USH2A: variants seen among roughly 807,000 people sequenced by gnomAD.
USH2A encodes the protein usherin.
In USH2A, 443 loss-of-function variants were observed where a neutral mutation model predicts 538.9. That is an observed-to-expected ratio of 0.82 (90% CI 0.76 to 0.89). USH2A has a LOEUF of 0.89. Ranked by LOEUF, USH2A falls within the 40% of genes least tolerant of loss-of-function variation. The probability of loss-of-function intolerance (pLI) is 0.00; values close to 1 mark genes in which losing one functional copy is unlikely to be tolerated. For synonymous variants in USH2A, 2,413 were observed against 2,273.5 expected, an observed-to-expected ratio of 1.06 and a Z score of -1.75; for missense variants, 6,633 against 6,324.8, an observed-to-expected ratio of 1.05 and a Z score of -1.65.
Position 216,082,651 on chromosome 1 carries a change from T to C in USH2A, c.5298+805A>G, listed in dbSNP as rs1199977256. Among the ~76,000 whole-genome samples, 4 of 152,104 alleles carry C rather than the reference T, an allele frequency of 2.6e-5. No individual in the cohort carries two copies. The East Asian group carries it at 7.7e-4, about 29-fold the overall frequency. ...AACGTATTTAACAGTGGTATCAAACTAATGATTAAAGACAAGGAAAAGCAG... is the reference window on the plus strand; with the variant it reads ...AACGTATTTAACAGTGGTATCAAACCAATGATTAAAGACAAGGAAAAGCAG... On this transcript the variant is annotated intron_variant, in intron 26 of 71. Coordinates refer to ENST00000307340, the MANE Select transcript of USH2A (RefSeq NM_206933.4).
intron 4 of USH2A, among the ~76,000 whole-genome samples, chr1:216,345,313 T>A (rs2038153720): frequency 6.6e-6 from 1 of 152,012 alleles, no homozygotes; most frequent in African/African-American, 2.4e-5. Context: ...AGTTTGATAT[T>A]GGATGCTGAG....
In USH2A at chr1:215,864,343, G is replaced by A. The variant is rs534986729; in HGVS notation, c.8845+2664C>T. The stretch of plus-strand genomic sequence containing the variant: ...TGAGGATTGTATAAATAATTTAAGT[G>A]AGGTATTTTTCAAATACAAAAACTG... On this transcript the variant is annotated intron_variant, in intron 44 of 71. Transcript: ENST00000307340. Among the ~76,000 whole-genome samples, 7 of 152,172 alleles carry A rather than the reference G, an allele frequency of 4.6e-5. No homozygotes were observed. The East Asian group carries it at 1.4e-3, about 29-fold the overall frequency.
At chr1:215,696,567 A>C (rs1658819198) in intron 61 of USH2A, among the ~76,000 whole-genome samples, 1 of 152,104 alleles carries the variant, frequency 6.6e-6, no homozygotes, top group Non-Finnish European at 1.5e-5. Flanking sequence ...ATTAGTCATA[A>C]CCATCTGACT....
rs1215269876 is a variant in USH2A, at chr1:215,845,888, G to A, written c.8991C>T (p.Ile2997=). Reference sequence around the variant, plus strand: ...TGCTGTGGACTCCATTGAAGACAGAGATAAAGATCCAATACTCTGTGTTTG... The same window carrying A: ...TGCTGTGGACTCCATTGAAGACAGAAATAAAGATCCAATACTCTGTGTTTG... ...LKPNTEYWIF[I]SVFNGVHSIN... Residue 2997 remains isoleucine, a synonymous_variant, in exon 45 of 72, where the codon ATC becomes ATT. Transcript: ENST00000307340. 29 of 1,613,794 alleles carry A rather than the reference G, an allele frequency of 1.8e-5. No individual in the cohort carries two copies. The highest frequency in any genetic ancestry group is 2.4e-5 in the Non-Finnish European group (28 of 1,179,938).
intron 31 of USH2A, among the ~76,000 whole-genome samples, chr1:216,047,637 T>C (rs1343451255): frequency 6.6e-6 from 1 of 152,158 alleles, no homozygotes; most frequent in Admixed American, 6.5e-5. Flanking sequence ...ATATCTTCAG[T>C]GCAAGTGGTG....
chr1:216,174,189 G>A lies in USH2A; in HGVS notation c.4627+1063C>T, dbSNP rs1015551403. The A allele has an allele frequency of 5.3e-5, 52 of 984,728 alleles. No homozygotes were observed. The Admixed American group carries it at 5.6e-4, about 11-fold the overall frequency. 61.0% of individuals were successfully genotyped at this position (984,728 alleles called of 1,614,324 possible). On this transcript the variant is annotated intron_variant, in intron 21 of 71. Transcript: ENST00000307340. ...AAAACAATACAAATTTTTATAGCTC[G>A]AATTCCATTTCATTGTCTTCACATA... is the stretch of plus-strand genomic sequence containing the variant.
At chr1:215,657,578 A>G (rs1312858774) in intron 64 of USH2A, among the ~76,000 whole-genome samples, 2 of 152,232 alleles carry the variant, frequency 1.3e-5, no homozygotes, top group Admixed American at 6.5e-5. Flanking sequence ...GCTGGATACA[A>G]TACAGTCACA....
chr1:216,141,067 T>A (rs960110580), intron 21 of USH2A, among the ~76,000 whole-genome samples: 1 of 152,212 alleles, frequency 6.6e-6, no homozygotes. Flanking sequence ...GGGCTCCCAT[T>A]TACTCAAATT....
intron 3 of USH2A, among the ~76,000 whole-genome samples, chr1:216,369,314 A>G (rs2038658372): frequency 6.6e-6 from 1 of 152,164 alleles, no homozygotes; most frequent in African/African-American, 2.4e-5. Flanking sequence ...AACACGTGGA[A>G]TCCCCACACA....
intron 3 of USH2A, among the ~76,000 whole-genome samples, chr1:216,394,872 C>T (rs907372788): frequency 1.3e-5 from 2 of 151,860 alleles, no homozygotes; most frequent in South Asian, 4.2e-4. Context: ...GCGCCCGCCA[C>T]CACGCCCGGC....
chr1:216,235,432 G>A (rs964905321), intron 13 of USH2A, among the ~76,000 whole-genome samples: 1 of 152,108 alleles, frequency 6.6e-6, no homozygotes, highest in East Asian at 1.9e-4. Flanking sequence ...GTCCAAATCA[G>A]CTCGCTAGTT....
intron 58 of USH2A, among the ~76,000 whole-genome samples, chr1:215,747,709 G>A (rs1029598392): frequency 6.6e-6 from 1 of 152,156 alleles, no homozygotes; most frequent in Non-Finnish European, 1.5e-5. Flanking sequence ...TTGACCTTCA[G>A]CAGGAGGATA....
At chr1:215,729,035 C>T (rs533251451) in intron 60 of USH2A, among the ~76,000 whole-genome samples, 17 of 152,218 alleles carry the variant, frequency 1.1e-4, no homozygotes, top group African/African-American at 3.4e-4. Flanking sequence ...AGGCCTTTTG[C>T]GAGTATGCTC....
At chr1:216,149,379 T>C (rs1020259789) in intron 21 of USH2A, among the ~76,000 whole-genome samples, 18 of 152,220 alleles carry the variant, frequency 1.2e-4, no homozygotes, top group African/African-American at 4.3e-4. Context: ...ACCAAAGCAG[T>C]TTCTCAGGCT....
At chr1:215,817,655 T>C (rs1243741803) in intron 47 of USH2A, among the ~76,000 whole-genome samples, 1 of 151,964 alleles carries the variant, frequency 6.6e-6, no homozygotes, top group African/African-American at 2.4e-5. Flanking sequence ...CCTAGGAAAT[T>C]TTAGCTTTCT....
At chr1:216,383,740 C>T (rs1404968750) in intron 3 of USH2A, among the ~76,000 whole-genome samples, 3 of 152,114 alleles carry the variant, frequency 2.0e-5, no homozygotes, top group African/African-American at 4.8e-5. Context: ...TGCAGTGGCA[C>T]GACCATGGCT....
intron 32 of USH2A, among the ~76,000 whole-genome samples, chr1:216,039,398 C>G (rs577259604): frequency 1.3e-4 from 20 of 151,902 alleles, no homozygotes; most frequent in Non-Finnish European, 2.2e-4. Context: ...CAAAGGGAAA[C>G]ATGGTATGAC....
At chr1:215,949,895 A>T (rs956847077) in intron 37 of USH2A, among the ~76,000 whole-genome samples, 4 of 152,186 alleles carry the variant, frequency 2.6e-5, no homozygotes, top group Non-Finnish European at 5.9e-5. Context: ...ATTCTGGGCA[A>T]AGTGTGTGAG....
chr1:216,152,488 C>T (rs1353702308), intron 21 of USH2A, among the ~76,000 whole-genome samples: 1 of 151,788 alleles, frequency 6.6e-6, no homozygotes, highest in Non-Finnish European at 1.5e-5. Context: ...ACCTTGCGAC[C>T]CCCACTCCCA....
Sources: allele counts gnomAD v4.1 joint callset (sites outside exome capture counted in the v4.1 genomes callset), GRCh38; gene constraint gnomAD v4.1.1; transcripts MANE v1.5; gene names NCBI Gene and HGNC (gene_info 2026-07-23, HGNC 2026-07-21).